UBA6: variants seen among roughly 807,000 people sequenced by gnomAD.
UBA6 encodes the protein ubiquitin-like modifier-activating enzyme 6.
A neutral mutation model predicts 148.3 loss-of-function variants in UBA6; 87 were observed. The ratio of observed to expected loss-of-function variants is 0.59; its 90% CI spans 0.49 to 0.70. The LOEUF (loss-of-function observed/expected upper bound fraction) is 0.70, where lower values mean the gene tolerates loss of function less well. Ranked by LOEUF, UBA6 falls within the 30% of genes least tolerant of loss-of-function variation. UBA6 has a pLI of 0.00. For synonymous variants in UBA6, 376 were observed against 401.0 expected (o/e 0.94, Z 0.75); for missense variants, 1,186 against 1,241.2 (o/e 0.96, Z 0.67).
At chr4:67,661,650 A>G (rs1158510799) in intron 13 of UBA6, 1 of 152,916 alleles carries the variant, frequency 6.5e-6, no homozygotes, top group Non-Finnish European at 1.5e-5. Flanking sequence ...AAAATAATAG[A>G]ATCTTCAAAT....
In UBA6 at chr4:67,615,846, A is replaced by C. The variant is rs568234612; in HGVS notation, c.*3151T>G. On this transcript the variant is annotated 3_prime_UTR_variant, in exon 33 of 33. Transcript: ENST00000322244. ...GTGGTAACACTATAAAAACAAAGAG[A>C]CAATTATCATACAAGGTAGGATAGT... is the stretch of plus-strand genomic sequence containing the variant. The C allele has an allele frequency of 1.9e-5, 5 of 269,472 alleles. No individual in the cohort carries two copies. Among genetic ancestry groups the C allele is most frequent in the African/African-American group, 1.1e-4 (5 of 46,422 alleles). The allele number at this position is 269,472 out of a possible 1,614,324, so 16.7% of individuals were successfully genotyped here. A position where few individuals can be genotyped will look rare whatever the true frequency, so the allele number is the denominator to read the frequency against.
At chr4:67,663,855 C>T in intron 11 of UBA6, 30 bp downstream of exon 11, 1 of 1,592,520 alleles carries the variant, frequency 6.3e-7, no homozygotes, top group Non-Finnish European at 8.6e-7. Context: ...ATTCTGCTGC[C>T]TCTCTCAAAC....
rs1200046407 is a variant in UBA6 at position 67,613,278 on chromosome 4, A to G, written c.*5719T>C. On this transcript the variant is annotated 3_prime_UTR_variant, in exon 33 of 33. Coordinates refer to ENST00000322244, the MANE Select transcript of UBA6 (RefSeq NM_018227.6). ...CATCAAGTTATTTCTAGTTTTTTCA[A>G]ACAATATTGGTAAATAATTAAAGGT... The G allele has an allele frequency of 1.3e-5, 2 of 152,202 alleles. No individual in the cohort carries two copies. Among genetic ancestry groups the G allele is most frequent in the African/African-American group, 4.8e-5 (2 of 41,466 alleles). The allele number at this position is 152,202 out of a possible 1,614,324, so 9.4% of individuals were successfully genotyped here. A position where few individuals can be genotyped will look rare whatever the true frequency, so the allele number is the denominator to read the frequency against.
intron 14 of UBA6, among the ~76,000 whole-genome samples, chr4:67,647,245 T>G (rs1405640687): frequency 6.6e-6 from 1 of 152,160 alleles, no homozygotes; most frequent in Non-Finnish European, 1.5e-5. Context: ...CTCTGCCTCC[T>G]GAGTTCAAGT....
chr4:67,676,019 C>CTT (rs397878783), intron 6 of UBA6, among the ~76,000 whole-genome samples: 26 of 117,130 alleles, frequency 2.2e-4, no homozygotes, highest in Non-Finnish European at 2.6e-4. Flanking sequence ...ATAGTACTAC[C>CTT]TTTTTTTTTT....
At chr4:67,631,968 AAAAAT>A in intron 23 of UBA6, 60 bp from the exon 24 acceptor site, 2 of 1,477,616 alleles carry the variant, frequency 1.4e-6, no homozygotes, top group Non-Finnish European at 1.8e-6. Context: ...GGAAAAATTA[AAAAAT>A]AAAATTAAAA....
intron 18 of UBA6, among the ~76,000 whole-genome samples, chr4:67,640,725 C>A (rs1390366466): frequency 6.6e-6 from 1 of 152,056 alleles, no homozygotes; most frequent in East Asian, 1.9e-4. Flanking sequence ...CATTATTTTA[C>A]AATAAAAACG....
In UBA6 at chr4:67,626,353, C is replaced by G. The variant is rs1353165929; in HGVS notation, c.2518+7G>C. On this transcript the variant is annotated splice_region_variant and intron_variant, in intron 28 of 32. Coordinates refer to ENST00000322244, the MANE Select transcript of UBA6 (RefSeq NM_018227.6). ...TTCAAAACATTTTTATAAAGATTTTCCCTTACTTTTGGTGGCTTCATTAGA... is the reference window on the plus strand; with the variant it reads ...TTCAAAACATTTTTATAAAGATTTTGCCTTACTTTTGGTGGCTTCATTAGA... The G allele has an allele frequency of 2.5e-6, 4 of 1,572,178 alleles. No individual in the cohort carries two copies. Among genetic ancestry groups the G allele is most frequent in the Non-Finnish European group, 3.5e-6 (4 of 1,143,578 alleles).
chr4:67,694,283 C>CAAAAA (rs771497060), intron 2 of UBA6, among the ~76,000 whole-genome samples: 2 of 126,622 alleles, frequency 1.6e-5, no homozygotes, highest in Non-Finnish European at 3.3e-5. Flanking sequence ...GATTCAGTCA[C>CAAAAA]TATAAAAAAA....
At chr4:67,642,880 C>A (rs927735154) in intron 17 of UBA6, among the ~76,000 whole-genome samples, 2 of 151,938 alleles carry the variant, frequency 1.3e-5, no homozygotes, top group African/African-American at 4.8e-5. Context: ...TTGGACCTTG[C>A]AAACGCACTT....
At chr4:67,632,604 C>A (rs1201986999) in intron 23 of UBA6, among the ~76,000 whole-genome samples, 2 of 152,142 alleles carry the variant, frequency 1.3e-5, no homozygotes, top group African/African-American at 4.8e-5. Context: ...GCAAAGAAGT[C>A]AAATTTACTG....
intron 23 of UBA6, 133 bp downstream of exon 23, chr4:67,633,211 AT>A: frequency 2.7e-6 from 2 of 746,656 alleles, no homozygotes; most frequent in Non-Finnish European, 2.0e-6. Flanking sequence ...ATGTGTTCTC[AT>A]TTAACTTACT....
chr4:67,700,996 G>A (rs2109966293), intron 1 of UBA6, 53 bp downstream of exon 1: 5 of 1,602,594 alleles, frequency 3.1e-6, no homozygotes, highest in Non-Finnish European at 4.3e-6. Flanking sequence ...GCAGAAACCC[G>A]GAGCCTGGGT....
At chr4:67,625,253 C>T in intron 28 of UBA6, 66 bp from the exon 29 acceptor site, 4 of 1,214,440 alleles carry the variant, frequency 3.3e-6, no homozygotes, top group Non-Finnish European at 4.5e-6. Flanking sequence ...AGGTAAAAAG[C>T]AATGTGAATT....
intron 19 of UBA6, among the ~76,000 whole-genome samples, chr4:67,637,651 GCTCT>G (rs1729196419): frequency 6.6e-6 from 1 of 152,016 alleles, no homozygotes; most frequent in Non-Finnish European, 1.5e-5. Flanking sequence ...CCAACCCGGT[GCTCT>G]CTGAAACGTG....
chr4:67,694,170 C>T (rs1175878103), intron 2 of UBA6, among the ~76,000 whole-genome samples: 26 of 123,194 alleles, frequency 2.1e-4, no homozygotes, highest in Admixed American at 8.1e-4. Flanking sequence ...GAGCCGAGAT[C>T]GCGCCACTGC....
At chr4:67,630,653 A>G (rs1728976544) in intron 25 of UBA6, 118 bp from the exon 26 acceptor site, 1 of 651,110 alleles carries the variant, frequency 1.5e-6, no homozygotes. Flanking sequence ...CAGAATTATT[A>G]TTTCAAGTTT....
chr4:67,624,122 A>C lies in UBA6; in HGVS notation c.2840+4T>G. 2 of 1,578,116 alleles carry C rather than the reference A, an allele frequency of 1.3e-6. No individual in the cohort carries two copies. Among genetic ancestry groups the C allele is most frequent in the Non-Finnish European group, 1.7e-6 (2 of 1,165,374 alleles). On this transcript the variant is annotated splice_donor_region_variant and intron_variant, in intron 30 of 32. Coordinates refer to ENST00000322244, the MANE Select transcript of UBA6 (RefSeq NM_018227.6). The stretch of plus-strand genomic sequence containing the variant: ...ATACAAGAGAAATAGACTTTCATAC[A>C]TACCTGATTTTAGTTTTCCTTACTT...
chr4:67,662,879 ATT>A, intron 12 of UBA6: 1 of 312,506 alleles, frequency 3.2e-6, no homozygotes, highest in Non-Finnish European at 5.8e-6. Context: ...AATTCTCAGA[ATT>A]TTTTTTGTTT....
Sources: gnomAD v4.1 joint callset for allele counts (sites outside exome capture counted in the v4.1 genomes callset) on GRCh38, gnomAD v4.1.1 for gene constraint, MANE v1.5 for transcripts, NCBI Gene and HGNC (gene_info 2026-07-23, HGNC 2026-07-21) for gene names.